The following KIAA1217 variants were observed in gnomAD, a reference collection of about 807,000 sequenced individuals.
KIAA1217 encodes the protein sickle tail protein homolog.
A neutral mutation model predicts 163.9 loss-of-function variants in KIAA1217; 88 were observed. The ratio of observed to expected loss-of-function variants is 0.54; its 90% CI spans 0.45 to 0.64. KIAA1217 has a LOEUF of 0.64. KIAA1217 is among the 30% of genes least tolerant of loss of function. The pLI, the probability that KIAA1217 is intolerant of heterozygous loss-of-function variation, is 0.00. For synonymous variants in KIAA1217, 903 were observed against 923.1 expected (o/e 0.98, Z 0.39); for missense variants, 2,372 against 2,475.0 (o/e 0.96, Z 0.88).
intron 2 of KIAA1217, among the ~76,000 whole-genome samples, chr10:24,010,537 T>G (rs184664334): frequency 6.6e-6 from 1 of 151,960 alleles, no homozygotes; most frequent in Admixed American, 6.6e-5. Flanking sequence ...ACTGTAGATC[T>G]TCCCCCCCTT....
At chr10:24,353,343 T>C (rs1176811006) in intron 2 of KIAA1217, among the ~76,000 whole-genome samples, 1 of 152,228 alleles carries the variant, frequency 6.6e-6, no homozygotes, top group Non-Finnish European at 1.5e-5. Flanking sequence ...TCTCATTAGA[T>C]TTATTCCATC....
At chr10:23,999,257 G>C (rs1237962900) in intron 1 of KIAA1217, among the ~76,000 whole-genome samples, 1 of 152,220 alleles carries the variant, frequency 6.6e-6, no homozygotes, top group African/African-American at 2.4e-5. Context: ...TGAAACCTGT[G>C]TGTTTGCCCC....
At chr10:24,103,204 C>A (rs540933461) in intron 2 of KIAA1217, among the ~76,000 whole-genome samples, 1 of 152,162 alleles carries the variant, frequency 6.6e-6, no homozygotes, top group Non-Finnish European at 1.5e-5. Flanking sequence ...AACAACTAGA[C>A]AACACATACA....
At chr10:23,741,578 C>T (rs1423234231) in intron 1 of KIAA1217, among the ~76,000 whole-genome samples, 1 of 152,128 alleles carries the variant, frequency 6.6e-6, no homozygotes, top group African/African-American at 2.4e-5. Flanking sequence ...TCAGAGATGA[C>T]ATCAGTAGGT....
chr10:24,305,787 TC>T (rs1390498055), intron 2 of KIAA1217, among the ~76,000 whole-genome samples: 1 of 152,170 alleles, frequency 6.6e-6, no homozygotes, highest in Non-Finnish European at 1.5e-5. Context: ...GGACGTGTCA[TC>T]TTTGTGGAGC....
At chr10:24,146,062 A>G (rs1290700033) in intron 2 of KIAA1217, among the ~76,000 whole-genome samples, 2 of 152,232 alleles carry the variant, frequency 1.3e-5, no homozygotes, top group Non-Finnish European at 2.9e-5. Context: ...ACGCTGAGTA[A>G]CCAGCCAAAT....
At chr10:24,039,671 C>T (rs1296731669) in intron 2 of KIAA1217, among the ~76,000 whole-genome samples, 1 of 152,122 alleles carries the variant, frequency 6.6e-6, no homozygotes, top group Non-Finnish European at 1.5e-5. Context: ...GTGGATTTAT[C>T]AGGACCTACC....
At chr10:24,290,012 G>A (rs1193896127) in intron 2 of KIAA1217, among the ~76,000 whole-genome samples, 1 of 152,174 alleles carries the variant, frequency 6.6e-6, no homozygotes, top group African/African-American at 2.4e-5. Context: ...GATTTCAGAT[G>A]TAGAGCAACA....
intron 2 of KIAA1217, among the ~76,000 whole-genome samples, chr10:24,145,298 T>G (rs1382779059): frequency 3.3e-5 from 5 of 152,240 alleles, no homozygotes; most frequent in Admixed American, 2.6e-4. Flanking sequence ...CCTTATTGTC[T>G]GTTTCACTCT....
intron 1 of KIAA1217, among the ~76,000 whole-genome samples, chr10:23,710,212 C>A (rs1226698555): frequency 6.6e-6 from 1 of 152,166 alleles, no homozygotes; most frequent in African/African-American, 2.4e-5. Context: ...AGTCCCTGAG[C>A]TGCATTACAA....
chr10:24,247,451 T>C (rs910926766), intron 2 of KIAA1217, among the ~76,000 whole-genome samples: 2 of 152,040 alleles, frequency 1.3e-5, no homozygotes, highest in African/African-American at 2.4e-5. Flanking sequence ...TTAAAAAGGG[T>C]GGATCCTATT....
At chr10:23,907,292 T>G (rs916312450) in intron 1 of KIAA1217, among the ~76,000 whole-genome samples, 1 of 145,762 alleles carries the variant, frequency 6.9e-6, no homozygotes, top group African/African-American at 2.5e-5. Context: ...CCAATATGAT[T>G]TGTGTGTGTG....
intron 3 of KIAA1217, among the ~76,000 whole-genome samples, chr10:24,397,727 T>C (rs767688074): frequency 2.0e-5 from 3 of 152,144 alleles, no homozygotes; most frequent in Non-Finnish European, 4.4e-5. Flanking sequence ...CTAATAACCA[T>C]GTAGTGATCA....
At chr10:24,391,760 A>C (rs185162858) in intron 3 of KIAA1217, among the ~76,000 whole-genome samples, 182 of 152,306 alleles carry the variant, frequency 1.2e-3, no homozygotes, top group African/African-American at 4.1e-3. Context: ...ATGGAGCTAT[A>C]GGGTTAAGTA....
At chr10:24,013,709 A>C (rs1255789603) in intron 2 of KIAA1217, among the ~76,000 whole-genome samples, 1 of 152,168 alleles carries the variant, frequency 6.6e-6, no homozygotes. Flanking sequence ...AGTTACATAG[A>C]CTGGATGAGA....
intron 2 of KIAA1217, among the ~76,000 whole-genome samples, chr10:24,025,617 C>A (rs920721330): frequency 9.2e-5 from 14 of 151,630 alleles, no homozygotes; most frequent in African/African-American, 3.4e-4. Context: ...AAAAGCAAAA[C>A]AATAAATAGT....
At chr10:24,432,310 G>T (rs936783426) in intron 3 of KIAA1217, among the ~76,000 whole-genome samples, 5 of 150,342 alleles carry the variant, frequency 3.3e-5, no homozygotes, top group Non-Finnish European at 5.9e-5. Context: ...TAGAGATGGG[G>T]TTTCACCATG....
chr10:23,719,599 T>TAAATAAATAAACAAACAAAC (rs1338495673), intron 1 of KIAA1217, among the ~76,000 whole-genome samples: 3 of 147,858 alleles, frequency 2.0e-5, no homozygotes, highest in African/African-American at 7.5e-5. Context: ...AATAAATAAA[T>TAAATAAATAAACAAACAAAC]AAATAAATAA....
In KIAA1217 at chr10:24,193,086, A is replaced by T. The variant is rs539767323; in HGVS notation, c.-170-26540A>T. On this transcript the variant is annotated intron_variant, in intron 2 of 18. Coordinates refer to the KIAA1217 transcript ENST00000376462. The stretch of plus-strand genomic sequence containing the variant: ...CATGTGCCACCATGCCCAGTTAATT[A>T]AAAAAAATTTTTTTGAGAGACGGGG... Among the ~76,000 whole-genome samples the T allele has an allele frequency of 2.0e-5, 3 of 152,078 alleles. No individual in the cohort carries two copies. In the East Asian group the frequency reaches 5.8e-4, roughly 29 times the overall value.
Sources: gnomAD v4.1 joint callset for allele counts (sites outside exome capture counted in the v4.1 genomes callset) on GRCh38, gnomAD v4.1.1 for gene constraint, MANE v1.5 for transcripts, NCBI Gene and HGNC (gene_info 2026-07-23, HGNC 2026-07-21) for gene names.